The following PSD3 variants were observed in gnomAD, a reference collection of about 807,000 sequenced individuals.
The protein encoded by PSD3 is pleckstrin and Sec7 domain containing 3.
Under a neutral mutation model 105.5 loss-of-function variants are expected in PSD3, and 49 were observed. That is an observed-to-expected ratio of 0.46 (90% CI 0.37 to 0.59). PSD3 has a LOEUF of 0.59. Among genes scored for constraint, PSD3 ranks in the 20% least tolerant of loss-of-function variants. The probability of loss-of-function intolerance (pLI) is 0.00; values close to 1 mark genes in which losing one functional copy is unlikely to be tolerated. For missense variants in PSD3, 1,561 were observed against 1,263.8 expected, an observed-to-expected ratio of 1.24 and a Z score of -3.57; for synonymous variants, 557 against 457.8, an observed-to-expected ratio of 1.22 and a Z score of -2.77.
chr8:18,875,863 A>G (rs993906916), intron 2 of PSD3, among the ~76,000 whole-genome samples: 1 of 152,092 alleles, frequency 6.6e-6, no homozygotes, highest in African/African-American at 2.4e-5. Context: ...ATCACTCCCA[A>G]AAAGAAACCC....
At chr8:19,035,673 C>T (rs1827917455) in intron 1 of PSD3, among the ~76,000 whole-genome samples, 1 of 150,520 alleles carries the variant, frequency 6.6e-6, no homozygotes, top group South Asian at 2.1e-4. Flanking sequence ...AAATTTTAAC[C>T]AACATTATAC....
intron 1 of PSD3, among the ~76,000 whole-genome samples, chr8:18,976,495 T>C (rs764224334): frequency 1.3e-5 from 2 of 152,174 alleles, no homozygotes; most frequent in Non-Finnish European, 2.9e-5. Context: ...TCTGACCCCC[T>C]TGAAGCTGGG....
chr8:18,981,058 C>T (rs1250133089), intron 1 of PSD3, among the ~76,000 whole-genome samples: 1 of 152,146 alleles, frequency 6.6e-6, no homozygotes, highest in Non-Finnish European at 1.5e-5. Flanking sequence ...CCCTGCTCCC[C>T]TCCCCCGTGA....
At chr8:18,697,635 C>G (rs1370601778) in intron 9 of PSD3, among the ~76,000 whole-genome samples, 2 of 152,166 alleles carry the variant, frequency 1.3e-5, no homozygotes, top group Non-Finnish European at 2.9e-5. Context: ...ATGGCACCTT[C>G]TCTCCTCCTT....
intron 4 of PSD3, among the ~76,000 whole-genome samples, chr8:18,834,769 G>A (rs1451692827): frequency 6.6e-6 from 1 of 152,194 alleles, no homozygotes; most frequent in Non-Finnish European, 1.5e-5. Context: ...GCAGAGAGAA[G>A]CAGACCCTTC....
intron 9 of PSD3, 67 bp from the exon 10 acceptor site, chr8:18,655,752 T>C (rs185233711): frequency 6.2e-6 from 9 of 1,462,726 alleles, no homozygotes; most frequent in East Asian, 2.3e-5. Context: ...ATTCAGCAAA[T>C]GACCAAGTAA....
At chr8:18,726,161 G>A (rs1191588758) in intron 9 of PSD3, among the ~76,000 whole-genome samples, 1 of 152,178 alleles carries the variant, frequency 6.6e-6, no homozygotes, top group Non-Finnish European at 1.5e-5. Flanking sequence ...ACCCAGAAAG[G>A]CACTCCTGTG....
At chr8:18,771,727 T>C (rs751586538) in intron 8 of PSD3, among the ~76,000 whole-genome samples, 23 of 152,234 alleles carry the variant, frequency 1.5e-4, no homozygotes, top group Non-Finnish European at 3.4e-4. Context: ...AGCATAACTC[T>C]TGATTACTGA....
At chr8:18,633,646 C>G (rs1433046627) in intron 10 of PSD3, among the ~76,000 whole-genome samples, 3 of 152,006 alleles carry the variant, frequency 2.0e-5, no homozygotes, top group Non-Finnish European at 2.9e-5. Flanking sequence ...CATATTTTCT[C>G]TATCCAGTTC....
chr8:18,936,952 T>C (rs1822180262), intron 1 of PSD3, among the ~76,000 whole-genome samples: 1 of 152,116 alleles, frequency 6.6e-6, no homozygotes, highest in Non-Finnish European at 1.5e-5. Context: ...GAACAGGGCA[T>C]GGAACAGAAC....
chr8:18,545,461 G>C (rs985414660), intron 15 of PSD3, among the ~76,000 whole-genome samples: 1 of 151,704 alleles, frequency 6.6e-6, no homozygotes, highest in African/African-American at 2.4e-5. Flanking sequence ...TACCGAGTTT[G>C]TTGTTCAACA....
intron 14 of PSD3, chr8:18,557,617 G>A (rs1181267729): frequency 1.3e-5 from 2 of 153,186 alleles, no homozygotes; most frequent in Non-Finnish European, 2.9e-5. Flanking sequence ...AACACGTGGA[G>A]TGATCTAAAA....
intron 2 of PSD3, among the ~76,000 whole-genome samples, chr8:18,933,750 G>A (rs980954539): frequency 6.6e-6 from 1 of 152,162 alleles, no homozygotes; most frequent in Admixed American, 6.5e-5. Flanking sequence ...TTAGAGGTGT[G>A]AGCAACTACG....
intron 8 of PSD3, chr8:18,786,653 A>G (rs1277121226): frequency 6.6e-6 from 1 of 152,232 alleles, no homozygotes; most frequent in East Asian, 1.9e-4. Flanking sequence ...TTGGAGTCCT[A>G]CGCAGTAAGC....
At chr8:19,034,030 G>C (rs1827861841) in intron 1 of PSD3, among the ~76,000 whole-genome samples, 1 of 152,138 alleles carries the variant, frequency 6.6e-6, no homozygotes, top group South Asian at 2.1e-4. Context: ...AAAGGAAATA[G>C]TTTGTAATGT....
intron 1 of PSD3, among the ~76,000 whole-genome samples, chr8:19,062,673 G>C (rs1828944089): frequency 6.6e-6 from 1 of 152,136 alleles, no homozygotes; most frequent in Admixed American, 6.5e-5. Context: ...CTTTAAAGTA[G>C]ATGCATAACT....
chr8:18,561,316 G>A (rs1801385106), intron 14 of PSD3, among the ~76,000 whole-genome samples: 2 of 152,166 alleles, frequency 1.3e-5, no homozygotes, highest in East Asian at 3.8e-4. Flanking sequence ...AGGAAATTCT[G>A]TCATTTGCGA....
chr8:18,823,997 C>A (rs1209158295), intron 4 of PSD3, among the ~76,000 whole-genome samples: 1 of 151,928 alleles, frequency 6.6e-6, no homozygotes, highest in Non-Finnish European at 1.5e-5. Context: ...CTGGACAACA[C>A]CGTGAGACCT....
At chr8:18,565,650 C>G (rs543713017) in intron 14 of PSD3, among the ~76,000 whole-genome samples, 1 of 152,284 alleles carries the variant, frequency 6.6e-6, no homozygotes, top group East Asian at 1.9e-4. Flanking sequence ...GCAAGGCACT[C>G]ACATTTTTAT....
Sources: gnomAD v4.1 joint callset for allele counts (sites outside exome capture counted in the v4.1 genomes callset) on GRCh38, gnomAD v4.1.1 for gene constraint, MANE v1.5 for transcripts, NCBI Gene and HGNC (gene_info 2026-07-23, HGNC 2026-07-21) for gene names.